GLS: variants seen among roughly 807,000 people sequenced by gnomAD.
The protein encoded by GLS is glutaminase kidney isoform, mitochondrial.
A neutral mutation model predicts 86.7 loss-of-function variants in GLS; 36 were observed. The observed-to-expected ratio is 0.42, with a 90% CI of 0.32 to 0.55. The LOEUF is 0.55. Ranked by LOEUF, GLS falls within the 20% of genes least tolerant of loss-of-function variation. The probability of loss-of-function intolerance (pLI) is 0.17; values close to 1 mark genes in which losing one functional copy is unlikely to be tolerated. For synonymous variants in GLS, 317 were observed against 305.9 expected (o/e 1.04, Z -0.38); for missense variants, 528 against 833.4 (o/e 0.63, Z 4.51).
intron 6 of GLS, among the ~76,000 whole-genome samples, chr2:190,908,222 T>C (rs551435285): frequency 6.6e-6 from 1 of 152,344 alleles, no homozygotes; most frequent in Non-Finnish European, 1.5e-5. Context: ...CACTGTAAAA[T>C]TCCAATATAA....
In GLS at chr2:190,920,717, T is replaced by C. The variant is rs550257465; in HGVS notation, c.1039-307T>C. On this transcript the variant is annotated intron_variant, in intron 7 of 17. Transcript: ENST00000320717. The surrounding 1 kb of genome is among the most constrained non-coding windows in gnomAD (Gnocchi z 4.2). The stretch of plus-strand genomic sequence containing the variant: ...ATAAATAACACATTTTAGCAAATTA[T>C]GTGCTGTCATGAAAGATAAGGGAAT... Among the ~76,000 whole-genome samples the C allele has an allele frequency of 4.6e-5, 7 of 151,926 alleles. No homozygotes were observed. The East Asian group carries it at 1.2e-3, about 25-fold the overall frequency.
chr2:190,894,543 A>G (rs192366264), intron 1 of GLS, among the ~76,000 whole-genome samples: 56 of 152,228 alleles, frequency 3.7e-4, no homozygotes, highest in Non-Finnish European at 6.6e-4. Flanking sequence ...CCACAACCCT[A>G]TGAGGGAGGC....
intron 1 of GLS, among the ~76,000 whole-genome samples, chr2:190,890,927 ATAGT>A (rs1386057117): frequency 6.6e-6 from 1 of 152,170 alleles, no homozygotes; most frequent in Non-Finnish European, 1.5e-5. Context: ...TTGAAGCTTT[ATAGT>A]TTGGGGAGGT....
At chr2:190,901,594 A>T (rs1360286966) in intron 4 of GLS, among the ~76,000 whole-genome samples, 1 of 151,924 alleles carries the variant, frequency 6.6e-6, no homozygotes, top group Non-Finnish European at 1.5e-5. Flanking sequence ...GTGAAACCCT[A>T]CTAGCACCCA....
At chr2:190,907,333 C>G (rs1689188286) in intron 6 of GLS, among the ~76,000 whole-genome samples, 1 of 151,662 alleles carries the variant, frequency 6.6e-6, no homozygotes, top group African/African-American at 2.4e-5. Context: ...TCTCGGCTCA[C>G]CGCAACCTCC....
chr2:190,894,619 G>T (rs114805613), intron 1 of GLS, among the ~76,000 whole-genome samples: 9 of 152,212 alleles, frequency 5.9e-5, no homozygotes, highest in Non-Finnish European at 1.2e-4. Flanking sequence ...TTTACCCAAG[G>T]TTACACAACT....
chr2:190,940,961 C>A lies in GLS; in HGVS notation c.1650+9324C>A, dbSNP rs115844673. 2.5e-3 allele frequency among the ~76,000 whole-genome samples: 378 copies of A among 152,194 alleles called. 1 individual carries two copies. Among genetic ancestry groups the A allele is most frequent in the African/African-American group, 8.8e-3 (364 of 41,540 alleles). ...AGCATTTCACTAGTTTTTGTTCAAA[C>A]AGCACACAAACAGAATTATTTCAAG... On this transcript the variant is annotated intron_variant, in intron 14 of 17. Coordinates refer to ENST00000320717, the MANE Select transcript of GLS (RefSeq NM_014905.5).
chr2:190,939,964 A>G (rs1450359148), intron 14 of GLS, among the ~76,000 whole-genome samples: 1 of 151,730 alleles, frequency 6.6e-6, no homozygotes, highest in Non-Finnish European at 1.5e-5. Context: ...AAATGAGGTA[A>G]TTTAAAAAAT....
chr2:190,910,215 C>A, intron 6 of GLS, 48 bp from the exon 7 acceptor site: 2 of 1,053,360 alleles, frequency 1.9e-6, no homozygotes, highest in South Asian at 1.4e-5. Flanking sequence ...TAATATTACT[C>A]AAGTGTTTAA....
At chr2:190,909,799 T>C (rs1689295154) in intron 6 of GLS, among the ~76,000 whole-genome samples, 1 of 152,204 alleles carries the variant, frequency 6.6e-6, no homozygotes, top group African/African-American at 2.4e-5. Context: ...CCCAGCACTT[T>C]GGGAGGCCAA....
At position 190,880,911 on chromosome 2, in the gene GLS, A is replaced by AGCAGCAGCAGCAGCAGCAGCACCC; in HGVS notation, c.-165_-164insGCAGCAGCAGCACCCGCAGCAGCA. The AGCAGCAGCAGCAGCAGCAGCACCC allele has an allele frequency of 2.3e-6, 2 of 856,734 alleles. No homozygotes were observed. The highest frequency in any genetic ancestry group is 3.6e-6 in the Non-Finnish European group (2 of 563,298). 53.1% of individuals were successfully genotyped at this position (856,734 alleles called of 1,614,324 possible). ...CAGCAGCAGCAGCAGCAGCAGCAGC[A>AGCAGCAGCAGCAGCAGCAGCACCC]GCAGCAGCACCCGCATCCGCTGCGG... On this transcript the variant is annotated 5_prime_UTR_variant, in exon 1 of 18. Transcript: ENST00000320717.
chr2:190,936,800 GTTTTA>G (rs1336193005), intron 14 of GLS, among the ~76,000 whole-genome samples: 1 of 151,262 alleles, frequency 6.6e-6, no homozygotes, highest in African/African-American at 2.4e-5. Context: ...TTATGGAACA[GTTTTA>G]TTTAGTTACT....
At chr2:190,960,061 A>G (rs964912046) in intron 17 of GLS, among the ~76,000 whole-genome samples, 1 of 151,482 alleles carries the variant, frequency 6.6e-6, no homozygotes, top group African/African-American at 2.5e-5. Flanking sequence ...GCAAACTGCT[A>G]TTCATCCTGC....
chr2:190,930,339 T>G lies in GLS; in HGVS notation c.1426-98T>G. 3 of 873,550 alleles carry G rather than the reference T, an allele frequency of 3.4e-6. No individual in the cohort carries two copies. The highest frequency in any genetic ancestry group is 5.6e-6 in the Non-Finnish European group (3 of 535,220). The allele number at this position is 873,550 out of a possible 1,614,324, so 54.1% of individuals were successfully genotyped here. ...TCCCAAAGTGCTGAGATTACAGGAG[T>G]GAGCCATGGTGCCCAGCCCCAGTTT... is the stretch of plus-strand genomic sequence containing the variant. On this transcript the variant is annotated intron_variant, in intron 12 of 17. Transcript: ENST00000320717. This position sits in a 1 kb window ranked among gnomAD's most constrained non-coding sequence, Gnocchi z 5.0.
intron 6 of GLS, among the ~76,000 whole-genome samples, chr2:190,908,751 C>T (rs1291181842): frequency 2.0e-5 from 3 of 152,194 alleles, no homozygotes; most frequent in Non-Finnish European, 2.9e-5. Flanking sequence ...GGCGGGTTTC[C>T]GGATGTTCAG....
At chr2:190,916,500 A>C (rs766701069) in intron 7 of GLS, among the ~76,000 whole-genome samples, 9 of 152,158 alleles carry the variant, frequency 5.9e-5, no homozygotes, top group Non-Finnish European at 1.3e-4. Context: ...TTTCAGAATT[A>C]ATATGACATG....
At chr2:190,928,708 C>CT (rs34693346) in intron 12 of GLS, among the ~76,000 whole-genome samples, 64,529 of 136,332 alleles carry the variant, frequency 0.47, 17,144 homozygotes, top group Non-Finnish European at 0.62. Flanking sequence ...GTTTTGTCTC[C>CT]TTTTTTTTTT....
rs925502539 is a variant in GLS, at chr2:190,913,564, T to A, written c.1038+3243T>A. On this transcript the variant is annotated intron_variant, in intron 7 of 17. Transcript: ENST00000320717. This position sits in a 1 kb window ranked among gnomAD's most constrained non-coding sequence, Gnocchi z 6.1. The stretch of plus-strand genomic sequence containing the variant: ...ATTAAAAGGAAAGAACAAAAATAAA[T>A]TTGAAAGGAACAGTTATTTTTATAT... 10 of 963,924 alleles carry A rather than the reference T, an allele frequency of 1.0e-5. No homozygotes were observed. The highest frequency in any genetic ancestry group is 1.2e-5 in the Non-Finnish European group (10 of 810,388). The allele number at this position is 963,924 out of a possible 1,614,324, so 59.7% of individuals were successfully genotyped here.
intron 1 of GLS, chr2:190,881,818 C>T: frequency 4.7e-6 from 1 of 213,950 alleles, no homozygotes; most frequent in Non-Finnish European, 9.3e-6. Flanking sequence ...GCGGCTGCAG[C>T]GCCTGGCCGC....
Sources: allele counts gnomAD v4.1 joint callset (sites outside exome capture counted in the v4.1 genomes callset), GRCh38; gene constraint gnomAD v4.1.1; non-coding constraint Gnocchi (gnomAD v3.1); transcripts MANE v1.5; gene names NCBI Gene and HGNC (gene_info 2026-07-23, HGNC 2026-07-21).